Variants in VAV3 observed in about 807,000 individuals in gnomAD.
The protein encoded by VAV3 is vav guanine nucleotide exchange factor 3.
A neutral mutation model predicts 131.2 loss-of-function variants in VAV3; 94 were observed. The observed-to-expected ratio is 0.72, with a 90% CI of 0.61 to 0.85. The LOEUF is 0.85. Ranked by LOEUF, VAV3 falls within the 40% of genes least tolerant of loss-of-function variation. VAV3 has a pLI of 0.00. For missense variants in VAV3, 939 were observed against 1,002.7 expected (o/e 0.94, Z 0.86); for synonymous variants, 349 against 342.0 (o/e 1.02, Z -0.22).
chr1:107,603,387 A>G (rs1266824465), intron 22 of VAV3, among the ~76,000 whole-genome samples: 4 of 152,174 alleles, frequency 2.6e-5, no homozygotes, highest in Non-Finnish European at 5.9e-5. Context: ...AATGCCTAAT[A>G]CCCACTAAGC....
chr1:107,792,400 C>G (rs548834322), intron 2 of VAV3, among the ~76,000 whole-genome samples: 1 of 152,278 alleles, frequency 6.6e-6, no homozygotes, highest in East Asian at 1.9e-4. Flanking sequence ...CTCAAACACA[C>G]GGGCTCAAGT....
chr1:107,760,977 G>A (rs146717004), intron 9 of VAV3, 98 bp from the exon 10 acceptor site: 180 of 677,888 alleles, frequency 2.7e-4, no homozygotes, highest in East Asian at 1.1e-3. Flanking sequence ...AAATGAGTGC[G>A]TTTGTTTCCT....
At chr1:107,666,340 C>T (rs148688311) in intron 19 of VAV3, among the ~76,000 whole-genome samples, 43 of 152,244 alleles carry the variant, frequency 2.8e-4, no homozygotes, top group Non-Finnish European at 5.9e-4. Context: ...TGTCTTATTT[C>T]TCAAAAATAT....
chr1:107,951,225 T>C (rs1674516670), intron 1 of VAV3, among the ~76,000 whole-genome samples: 1 of 152,214 alleles, frequency 6.6e-6, no homozygotes, highest in East Asian at 1.9e-4. Context: ...CTTCTTCCTC[T>C]GTAGTAACCA....
intron 3 of VAV3, chr1:107,777,538 C>G: frequency 1.8e-6 from 1 of 548,344 alleles, no homozygotes; most frequent in East Asian, 3.1e-5. Context: ...GCAATTACAG[C>G]TGGTCACCAC....
At chr1:107,607,195 G>T (rs1423732357) in intron 22 of VAV3, among the ~76,000 whole-genome samples, 4 of 151,720 alleles carry the variant, frequency 2.6e-5, no homozygotes, top group Non-Finnish European at 5.9e-5. Context: ...CTCATGATCC[G>T]CCCACTTCGG....
chr1:107,951,780 A>C (rs1674544519), intron 1 of VAV3, among the ~76,000 whole-genome samples: 1 of 151,888 alleles, frequency 6.6e-6, no homozygotes. Context: ...ATACTATCTC[A>C]TATCAGTCAG....
chr1:107,663,439 C>T (rs1657182895), intron 19 of VAV3, among the ~76,000 whole-genome samples: 1 of 151,888 alleles, frequency 6.6e-6, no homozygotes, highest in Admixed American at 6.6e-5. Flanking sequence ...TTCTGTAACC[C>T]CCATAAACTT....
intron 2 of VAV3, among the ~76,000 whole-genome samples, chr1:107,816,886 A>G (rs750589698): frequency 5.3e-5 from 8 of 152,312 alleles, no homozygotes; most frequent in African/African-American, 1.9e-4. Context: ...ATCATTTTAT[A>G]TATTAATAAG....
chr1:107,694,833 C>T (rs1444926220), intron 17 of VAV3, among the ~76,000 whole-genome samples: 1 of 152,130 alleles, frequency 6.6e-6, no homozygotes, highest in Non-Finnish European at 1.5e-5. Context: ...AGGTATGGTT[C>T]CTATCATTGA....
intron 19 of VAV3, among the ~76,000 whole-genome samples, chr1:107,678,965 A>G (rs1658415491): frequency 6.6e-6 from 1 of 152,282 alleles, no homozygotes; most frequent in South Asian, 2.1e-4. Flanking sequence ...CATTTATGCA[A>G]TCAGAACTTT....
At chr1:107,868,347 C>G (rs997954710) in intron 2 of VAV3, among the ~76,000 whole-genome samples, 6 of 152,110 alleles carry the variant, frequency 3.9e-5, no homozygotes, top group South Asian at 4.1e-4. Context: ...AACGTGTATG[C>G]ACTAGATAAT....
chr1:107,937,165 C>G (rs1251712907), intron 1 of VAV3, among the ~76,000 whole-genome samples: 1 of 152,120 alleles, frequency 6.6e-6, no homozygotes, highest in Non-Finnish European at 1.5e-5. Context: ...GACACAAAAC[C>G]ACAATATTTG....
chr1:107,761,611 T>C (rs139198196), intron 9 of VAV3, among the ~76,000 whole-genome samples: 196 of 152,244 alleles, frequency 1.3e-3, no homozygotes, highest in African/African-American at 4.4e-3. Context: ...CCCTCAACTA[T>C]GATGTGCTTT....
chr1:107,951,497 C>A (rs61137252), intron 1 of VAV3, among the ~76,000 whole-genome samples: 9,880 of 152,132 alleles, frequency 0.065, 459 homozygotes, highest in African/African-American at 0.13. Flanking sequence ...TAAAGAGCTT[C>A]TGCACAGCAA....
At position 107,765,870 on chromosome 1, in the gene VAV3, T is replaced by G. The variant is rs17019964; in HGVS notation, c.821+577A>C. 7.9e-3 allele frequency among the ~76,000 whole-genome samples: 1,207 copies of G among 152,320 alleles called. 10 individuals carry two copies. Among genetic ancestry groups the G allele is most frequent in the East Asian group, 0.016 (85 of 5,192 alleles). ...TGATGCAAAGTAATTCATTAGCCAC[T>G]TCTTAGTACTAGGAAATACGTTGCT... is the stretch of plus-strand genomic sequence containing the variant. On this transcript the variant is annotated intron_variant, in intron 8 of 26. Transcript: ENST00000370056.
chr1:107,715,161 A>T (rs1661020129), intron 15 of VAV3, among the ~76,000 whole-genome samples: 1 of 152,166 alleles, frequency 6.6e-6, no homozygotes, highest in South Asian at 2.1e-4. Context: ...CTACCATACA[A>T]GGCCAACATC....
intron 10 of VAV3, among the ~76,000 whole-genome samples, chr1:107,759,776 T>A (rs1022264374): frequency 6.6e-6 from 1 of 152,138 alleles, no homozygotes; most frequent in Admixed American, 6.5e-5. Flanking sequence ...GGTATTTTTT[T>A]AAAAAGCTGT....
At chr1:107,721,621 A>T (rs1661506735) in intron 15 of VAV3, among the ~76,000 whole-genome samples, 1 of 152,210 alleles carries the variant, frequency 6.6e-6, no homozygotes, top group African/African-American at 2.4e-5. Flanking sequence ...AGATGGGTAG[A>T]AACAGGCCCA....
Sources: gnomAD v4.1 joint callset for allele counts (sites outside exome capture counted in the v4.1 genomes callset) on GRCh38, gnomAD v4.1.1 for gene constraint, MANE v1.5 for transcripts, NCBI Gene and HGNC (gene_info 2026-07-23, HGNC 2026-07-21) for gene names.